The following CTDP1 variants were observed in gnomAD, a reference collection of about 807,000 sequenced individuals.
The protein encoded by CTDP1 is CTD phosphatase 1.
A neutral mutation model predicts 91.8 loss-of-function variants in CTDP1; 47 were observed. That is an observed-to-expected ratio of 0.51 (90% CI 0.41 to 0.65). The LOEUF is 0.65. Ranked by LOEUF, CTDP1 falls within the 30% of genes least tolerant of loss-of-function variation. The pLI, the probability that CTDP1 is intolerant of heterozygous loss-of-function variation, is 0.00. For synonymous variants in CTDP1, 656 were observed against 598.5 expected (o/e 1.10, Z -1.40); for missense variants, 1,272 against 1,373.7 (o/e 0.93, Z 1.17).
chr18:79,732,412 AGGAGTG>A (rs1414736403), intron 11 of CTDP1, among the ~76,000 whole-genome samples: 91 of 93,264 alleles, frequency 9.8e-4, no homozygotes, highest in South Asian at 1.7e-3. Context: ...ATGAGAACTC[AGGAGTG>A]CTCCCAAAAT....
chr18:79,679,683 G>A (rs2085310802), upstream of CTDP1: 2 of 528,156 alleles, frequency 3.8e-6, no homozygotes, highest in Non-Finnish European at 7.3e-6. Context: ...AGTTCTTCAC[G>A]GCCGGCACGC....
upstream of CTDP1, chr18:79,677,805 A>C (rs553352): frequency 6.6e-6 from 1 of 151,110 alleles, no homozygotes; most frequent in African/African-American, 2.4e-5. Context: ...GTGTCCTTAC[A>C]GTGTGAACCA....
intron 1 of CTDP1, among the ~76,000 whole-genome samples, chr18:79,691,306 AAGCAGGGCC>A (rs1401889146): frequency 2.0e-5 from 3 of 152,200 alleles, no homozygotes; most frequent in Non-Finnish European, 4.4e-5. Context: ...TGTTTGTGGG[AAGCAGGGCC>A]AGCTTACACT....
At chr18:79,722,836 G>GC (rs1227088044) in intron 10 of CTDP1, among the ~76,000 whole-genome samples, 1 of 152,236 alleles carries the variant, frequency 6.6e-6, no homozygotes, top group Non-Finnish European at 1.5e-5. Context: ...CAGGAGTTCT[G>GC]CGGGGCCTTC....
chr18:79,721,830 T>TTA (rs1157365857), intron 10 of CTDP1, among the ~76,000 whole-genome samples: 1 of 149,068 alleles, frequency 6.7e-6, no homozygotes, highest in African/African-American at 2.5e-5. Flanking sequence ...TTTTATTTAT[T>TTA]TTTTTTTTTT....
intron 12 of CTDP1, among the ~76,000 whole-genome samples, chr18:79,744,424 G>A (rs775164167): frequency 6.6e-6 from 1 of 152,190 alleles, no homozygotes; most frequent in Non-Finnish European, 1.5e-5. Context: ...ACAGAAAAGG[G>A]AAGACAGGAA....
upstream of CTDP1, chr18:79,679,385 G>A (rs996338772): frequency 3.7e-5 from 17 of 454,516 alleles, no homozygotes; most frequent in Admixed American, 3.8e-4. Flanking sequence ...CCGCGACGTT[G>A]CGACTCACAG....
chr18:79,718,217 C>G (rs575673044), intron 10 of CTDP1, among the ~76,000 whole-genome samples: 103 of 152,238 alleles, frequency 6.8e-4, no homozygotes, highest in African/African-American at 2.4e-3. Context: ...GTCTTGGGTC[C>G]CAAAACTAAA....
At chr18:79,687,717 G>A (rs949385103) in intron 1 of CTDP1, among the ~76,000 whole-genome samples, 3 of 151,882 alleles carry the variant, frequency 2.0e-5, no homozygotes, top group East Asian at 1.9e-4. Flanking sequence ...GGCATGCACC[G>A]GAGCAGTTGG....
chr18:79,744,994 C>T (rs2086850717), intron 12 of CTDP1, among the ~76,000 whole-genome samples: 1 of 152,200 alleles, frequency 6.6e-6, no homozygotes, highest in Non-Finnish European at 1.5e-5. Context: ...CCCAGAACAG[C>T]CCCATGTCCA....
Position 79,680,058 on chromosome 18 carries a change from G to T in CTDP1, c.111G>T (p.Val37=). 1 of 1,253,412 alleles carries T rather than the reference G, an allele frequency of 8.0e-7. No individual in the cohort carries two copies. Among genetic ancestry groups the T allele is most frequent in the Non-Finnish European group, 1.0e-6 (1 of 1,003,350 alleles). The allele number at this position is 1,253,412 out of a possible 1,614,324, so 77.6% of individuals were successfully genotyped here. ...PAPLRLLEWR[V]AAGAAVRIGS... is the part of the protein sequence containing the mutation. ...CGCTGCGCCTGCTGGAGTGGAGGGT[G>T]GCGGCGGGCGCGGCCGTGCGCATCG... The change falls in exon 1 of 13, where the codon GTG becomes GTT. Residue 37 remains valine (V), a synonymous_variant. Transcript: ENST00000613122.
At chr18:79,749,428 G>C (rs1448633950) in intron 12 of CTDP1, among the ~76,000 whole-genome samples, 1 of 151,788 alleles carries the variant, frequency 6.6e-6, no homozygotes, top group African/African-American at 2.4e-5. Context: ...GGCCCCACTA[G>C]GAGGGGCCAG....
At chr18:79,693,838 C>T (rs1357734854) in intron 1 of CTDP1, among the ~76,000 whole-genome samples, 1 of 147,184 alleles carries the variant, frequency 6.8e-6, no homozygotes, top group Non-Finnish European at 1.5e-5. Context: ...ATGCTGGCTA[C>T]AGACCCGCCC....
chr18:79,748,664 C>T (rs2086929078), intron 12 of CTDP1, among the ~76,000 whole-genome samples: 1 of 152,218 alleles, frequency 6.6e-6, no homozygotes, highest in Non-Finnish European at 1.5e-5. Flanking sequence ...CCACAGCGTC[C>T]CCAGCTGTGG....
intron 1 of CTDP1, among the ~76,000 whole-genome samples, chr18:79,687,533 C>T (rs925394139): frequency 4.8e-5 from 7 of 146,846 alleles, no homozygotes; most frequent in African/African-American, 1.8e-4. Context: ...GTTGGCTTCT[C>T]CAGTTCACTG....
intron 5 of CTDP1, among the ~76,000 whole-genome samples, chr18:79,709,275 A>C (rs2086031951): frequency 6.6e-6 from 1 of 152,244 alleles, no homozygotes; most frequent in South Asian, 2.1e-4. Flanking sequence ...GAGATAACTT[A>C]TTTTTAAATT....
At position 79,713,884 on chromosome 18, in the gene CTDP1, T is replaced by C. The variant is rs2086133343; in HGVS notation, c.1031-607T>C. ...ACGGTGGCGCCAGGTCTGCAGGGGC[T>C]TACGGCCACGGTGGCGCCAGGTCTG... is the stretch of plus-strand genomic sequence containing the variant. On this transcript the variant is annotated intron_variant, in intron 7 of 12. Transcript: ENST00000613122. This position sits in a 1 kb window ranked among gnomAD's most constrained non-coding sequence, Gnocchi z 4.7. 6.7e-6 allele frequency among the ~76,000 whole-genome samples: 1 copy of C among 149,368 alleles called. No homozygotes were observed. Among genetic ancestry groups the C allele is most frequent in the African/African-American group, 2.5e-5 (1 of 40,446 alleles).
intron 1 of CTDP1, among the ~76,000 whole-genome samples, chr18:79,693,203 T>A (rs767559280): frequency 3.0e-4 from 45 of 151,836 alleles, no homozygotes; most frequent in South Asian, 1.0e-3. Flanking sequence ...TGAGCAGGTG[T>A]GGTGACCGGG....
At chr18:79,678,360 A>G (rs1487009299), upstream of CTDP1, 1 of 152,208 alleles carries the variant, frequency 6.6e-6, no homozygotes, top group African/African-American at 2.4e-5. Context: ...CCCACACTCA[A>G]TAGCTGAACA....
Sources: allele counts gnomAD v4.1 joint callset (sites outside exome capture counted in the v4.1 genomes callset), GRCh38; gene constraint gnomAD v4.1.1; non-coding constraint Gnocchi (gnomAD v3.1); transcripts MANE v1.5; gene names NCBI Gene and HGNC (gene_info 2026-07-23, HGNC 2026-07-21).